PPIL2: variants seen among roughly 807,000 people sequenced by gnomAD.
PPIL2 encodes peptidylprolyl isomerase like 2, also known as RING-type E3 ubiquitin-protein ligase PPIL2.
A neutral mutation model predicts 75.2 loss-of-function variants in PPIL2; 50 were observed. The observed-to-expected ratio is 0.66, with a 90% CI of 0.53 to 0.84. The LOEUF is 0.84. Among genes scored for constraint, PPIL2 ranks in the 40% least tolerant of loss-of-function variants. The pLI, the probability that PPIL2 is intolerant of heterozygous loss-of-function variation, is 0.00. For synonymous variants in PPIL2, 245 were observed against 258.8 expected (o/e 0.95, Z 0.51); for missense variants, 590 against 685.0 (o/e 0.86, Z 1.55).
intron 7 of PPIL2, among the ~76,000 whole-genome samples, chr22:21,682,187 A>G (rs1381812724): frequency 1.3e-5 from 2 of 152,202 alleles, no homozygotes; most frequent in Non-Finnish European, 2.9e-5. Flanking sequence ...TTGCTGATCA[A>G]TGTGCAGACA....
intron 10 of PPIL2, chr22:21,685,766 G>A: frequency 2.5e-6 from 1 of 396,124 alleles, no homozygotes; most frequent in Non-Finnish European, 4.9e-6. Flanking sequence ...TCTTCTGATG[G>A]GAGAAACCCC....
chr22:21,687,972 CCT>C (rs2067446005), intron 13 of PPIL2, 99 bp from the exon 14 acceptor site: 2 of 1,469,404 alleles, frequency 1.4e-6, no homozygotes, highest in African/African-American at 2.8e-5. Flanking sequence ...GAGCCCAGCC[CCT>C]GTGTGGAGCC....
At chr22:21,689,979 C>T (rs1161975930) in intron 15 of PPIL2, among the ~76,000 whole-genome samples, 3 of 152,300 alleles carry the variant, frequency 2.0e-5, no homozygotes, top group African/African-American at 7.2e-5. Flanking sequence ...CTCACTGTCA[C>T]ACGTGGTCTC....
chr22:21,694,715 G>C, intron 17 of PPIL2, 40 bp from the exon 18 acceptor site: 1 of 1,612,470 alleles, frequency 6.2e-7, no homozygotes, highest in South Asian at 1.1e-5. Flanking sequence ...AGGCAGGCAG[G>C]GGGAGGACCT....
intron 1 of PPIL2, among the ~76,000 whole-genome samples, 193 bp downstream of exon 1, chr22:21,666,324 C>T (rs1421187642): frequency 3.3e-5 from 5 of 152,152 alleles, no homozygotes; most frequent in African/African-American, 1.2e-4. Context: ...CCCGGGGCCG[C>T]GGCTCCGATG....
intron 5 of PPIL2, 102 bp from the exon 6 acceptor site, chr22:21,674,962 G>A (rs1277987088): frequency 3.8e-6 from 4 of 1,051,676 alleles, no homozygotes; most frequent in Non-Finnish European, 5.8e-6. Flanking sequence ...GCTGCACAGG[G>A]TTGGCCTAGT....
At chr22:21,680,996 G>A (rs2067104293) in intron 6 of PPIL2, among the ~76,000 whole-genome samples, 1 of 152,116 alleles carries the variant, frequency 6.6e-6, no homozygotes. Flanking sequence ...CCTGCCGAGG[G>A]CCAACTTCAG....
intron 9 of PPIL2, 73 bp downstream of exon 9, chr22:21,683,330 GC>G: frequency 7.4e-7 from 1 of 1,358,148 alleles, no homozygotes. Flanking sequence ...CCTGGGTAAA[GC>G]CCCCGCTTTC....
intron 15 of PPIL2, among the ~76,000 whole-genome samples, chr22:21,693,281 C>A (rs1874040820): frequency 6.6e-6 from 1 of 152,202 alleles, no homozygotes; most frequent in Non-Finnish European, 1.5e-5. Context: ...CTCCTGGCCT[C>A]AAGTGATCTA....
At chr22:21,669,141 G>GCA (rs763864642) in intron 1 of PPIL2, among the ~76,000 whole-genome samples, 20 of 151,890 alleles carry the variant, frequency 1.3e-4, no homozygotes, top group Admixed American at 5.2e-4. Context: ...GAGCCACCTT[G>GCA]CCCGGCCGGT....
rs373558501 is a variant in PPIL2, at chr22:21,694,758, G to A, written c.1273G>A (p.Glu425Lys). 3 of 1,610,518 alleles carry A rather than the reference G, an allele frequency of 1.9e-6. No homozygotes were observed. The highest frequency in any genetic ancestry group is 2.7e-5 in the African/African-American group (2 of 74,900). The change falls in exon 18 of 20, where the codon GAG (glutamate) becomes AAG (lysine). Residue 425 changes from glutamate (E) to lysine (K), a missense_variant. Coordinates refer to ENST00000398831, the MANE Select transcript of PPIL2 (RefSeq NM_014337.4). ...SDPKTDRPKEEIRIDATTVFV... is the reference protein window; with the variant it reads ...SDPKTDRPKEKIRIDATTVFV... ...ACTGAGCCCCCTTTGCTGCTAGGAG[G>A]AGATCCGCATTGATGCCACTACAGT...
rs1002910415 is a variant in PPIL2 at position 21,692,444 on chromosome 22, G to A, written c.1140-1372G>A. Among the ~76,000 whole-genome samples the A allele has an allele frequency of 4.2e-4, 64 of 152,024 alleles. No homozygotes were observed. The East Asian group carries it at 4.7e-3, about 11-fold the overall frequency. On this transcript the variant is annotated intron_variant, in intron 15 of 19. Transcript: ENST00000398831. ...GCTGGGATTACAGGCGTGAGCCACT[G>A]TGCCTGGCCAATCCTGACAATCTTA...
Position 21,696,347 on chromosome 22 carries a change from T to C in PPIL2, c.*857T>C. 8.8e-7 allele frequency: 1 copy of C among 1,134,636 alleles called. No individual in the cohort carries two copies. Among genetic ancestry groups the C allele is most frequent in the South Asian group, 2.0e-5 (1 of 49,702 alleles). The allele number at this position is 1,134,636 out of a possible 1,614,324, so 70.3% of individuals were successfully genotyped here. ...CCCACACTGGGTTGAGGCCAGTGTC[T>C]CCTGCTGTGAGAACAAGTGGATGTC... On this transcript the variant is annotated 3_prime_UTR_variant, in exon 20 of 20. Transcript: ENST00000398831.
intron 7 of PPIL2, 46 bp from the exon 8 acceptor site, chr22:21,682,391 C>T: frequency 1.3e-6 from 2 of 1,546,956 alleles, no homozygotes; most frequent in Non-Finnish European, 1.8e-6. Context: ...TCCCCTGTGC[C>T]AAGGCTTGGG....
chr22:21,682,052 G>A (rs1227945911), intron 7 of PPIL2, among the ~76,000 whole-genome samples: 1 of 152,248 alleles, frequency 6.6e-6, no homozygotes, highest in African/African-American at 2.4e-5. Flanking sequence ...CTGCTAGACC[G>A]CACCGCAGGA....
rs1394506601 is a variant in PPIL2, at chr22:21,691,697, A to G, written c.1140-2119A>G. ...AGCGAGACTCCGTCTCCAAAAAAAAAAAAAGATTTTCTAGGAGGAGCTTGC... is the reference window on the plus strand; with the variant it reads ...AGCGAGACTCCGTCTCCAAAAAAAAGAAAAGATTTTCTAGGAGGAGCTTGC... On this transcript the variant is annotated intron_variant, in intron 15 of 19. Transcript: ENST00000398831. Among the ~76,000 whole-genome samples, 5 of 152,072 alleles carry G rather than the reference A, an allele frequency of 3.3e-5. No individual in the cohort carries two copies. The South Asian group carries it at 8.3e-4, about 25-fold the overall frequency.
intron 6 of PPIL2, among the ~76,000 whole-genome samples, chr22:21,679,852 C>T (rs2148527449): frequency 6.6e-6 from 1 of 151,350 alleles, no homozygotes; most frequent in Non-Finnish European, 1.5e-5. Context: ...CTTTGGGAGG[C>T]CAAGGTGGGC....
chr22:21,683,827 C>T (rs565960503), intron 9 of PPIL2, among the ~76,000 whole-genome samples: 2 of 152,334 alleles, frequency 1.3e-5, no homozygotes, highest in Non-Finnish European at 2.9e-5. Context: ...CAGGCACCCT[C>T]CTGAGTCGGC....
intron 15 of PPIL2, among the ~76,000 whole-genome samples, chr22:21,692,364 G>C (rs1210417): frequency 0.64 from 96,334 of 150,292 alleles, 30,968 homozygotes; most frequent in Non-Finnish European, 0.68. Context: ...CCGTGTTAGC[G>C]AGGATGGTCT....
Sources: gnomAD v4.1 joint callset for allele counts (sites outside exome capture counted in the v4.1 genomes callset) on GRCh38, gnomAD v4.1.1 for gene constraint, MANE v1.5 for transcripts, NCBI Gene and HGNC (gene_info 2026-07-23, HGNC 2026-07-21) for gene names.